The following ARK2C variants were observed in gnomAD, a reference collection of about 807,000 sequenced individuals.
The protein encoded by ARK2C is arkadia (RNF111) C-terminal like ring finger ubiquitin ligase 2C, also known as E3 ubiquitin-protein ligase ARK2C.
the ARK2C span, among the ~76,000 whole-genome samples, chr18:46,364,104 T>C: frequency 6.6e-6 from 1 of 151,788 alleles, no homozygotes; most frequent in East Asian, 1.9e-4. Context: ...GGGACCACCA[T>C]GTCCGGCTAA....
chr18:46,441,070 C>T, the ARK2C span, among the ~76,000 whole-genome samples: 1 of 152,312 alleles, frequency 6.6e-6, no homozygotes, highest in East Asian at 1.9e-4. Context: ...ACTGCAGCCT[C>T]GATCTCCTGG....
the ARK2C span, among the ~76,000 whole-genome samples, chr18:46,345,882 G>T: frequency 6.6e-6 from 1 of 152,160 alleles, no homozygotes; most frequent in African/African-American, 2.4e-5. Flanking sequence ...ATTCTTCAGG[G>T]TCACCCCAAG....
the ARK2C span, among the ~76,000 whole-genome samples, chr18:46,423,612 G>A: frequency 3.9e-5 from 6 of 152,320 alleles, no homozygotes; most frequent in African/African-American, 7.2e-5. Context: ...CTGGAAGGCC[G>A]TGACACTGAT....
chr18:46,376,886 G>A, the ARK2C span, among the ~76,000 whole-genome samples: 7 of 152,050 alleles, frequency 4.6e-5, no homozygotes, highest in Non-Finnish European at 1.5e-5. Flanking sequence ...GGCCAGGATG[G>A]TCTTGATTTC....
the ARK2C span, among the ~76,000 whole-genome samples, chr18:46,418,350 C>T: frequency 2.0e-5 from 3 of 152,084 alleles, no homozygotes; most frequent in Middle Eastern, 3.4e-3. Context: ...GGGCAAGACA[C>T]TGTCTCCAAA....
At chr18:46,447,600 T>G in the ARK2C span, 1 of 1,614,064 alleles carries the variant, frequency 6.2e-7, no homozygotes, top group Non-Finnish European at 8.5e-7. Context: ...TCCTGCTCAG[T>G]TCCAGGTGCG....
the ARK2C span, chr18:46,334,237 G>A: frequency 2.8e-6 from 4 of 1,408,542 alleles, no homozygotes; most frequent in South Asian, 4.2e-5. This position sits in a 1 kb window ranked among gnomAD's most constrained non-coding sequence, Gnocchi z 4.4. Flanking sequence ...AAGGGCCCGC[G>A]CGCAGCCGCC....
At chr18:46,454,138 A>AAAT in the ARK2C span, among the ~76,000 whole-genome samples, 1 of 148,642 alleles carries the variant, frequency 6.7e-6, no homozygotes, top group Non-Finnish European at 1.5e-5. Context: ...AAAAAAAAAA[A>AAAT]GTAAAAGGGA....
chr18:46,335,815 C>G, the ARK2C span: 1 of 884,318 alleles, frequency 1.1e-6, no homozygotes, highest in Non-Finnish European at 1.4e-6. Context: ...CTGTTTGAAC[C>G]GCAGTTTTTT....
chr18:46,352,531 A>G, the ARK2C span, among the ~76,000 whole-genome samples: 3 of 152,216 alleles, frequency 2.0e-5, no homozygotes, highest in African/African-American at 7.2e-5. Context: ...AGAACAGCCT[A>G]GAGTGGTGCT....
At chr18:46,344,856 C>T in the ARK2C span, among the ~76,000 whole-genome samples, 1 of 152,354 alleles carries the variant, frequency 6.6e-6, no homozygotes, top group South Asian at 2.1e-4. Flanking sequence ...GGTAGCTGGG[C>T]CAGAGCCTTG....
At chr18:46,373,516 C>T in the ARK2C span, among the ~76,000 whole-genome samples, 5 of 152,332 alleles carry the variant, frequency 3.3e-5, no homozygotes, top group South Asian at 1.0e-3. Context: ...TGCATGATGT[C>T]TCTGGCTGTT....
the ARK2C span, among the ~76,000 whole-genome samples, chr18:46,342,955 C>T: frequency 3.3e-5 from 5 of 152,270 alleles, no homozygotes; most frequent in Admixed American, 1.3e-4. Flanking sequence ...TCTCTATTTC[C>T]TATTTTACAT....
At chr18:46,426,245 C>G in the ARK2C span, among the ~76,000 whole-genome samples, 1 of 152,192 alleles carries the variant, frequency 6.6e-6, no homozygotes, top group Non-Finnish European at 1.5e-5. Flanking sequence ...AAACACCTTG[C>G]TTCAAATTTC....
chr18:46,401,035 C>A, the ARK2C span, among the ~76,000 whole-genome samples: 296 of 152,264 alleles, frequency 1.9e-3, no homozygotes, highest in African/African-American at 6.9e-3. Context: ...GGAGGCCAGA[C>A]CCCCTCCCCA....
the ARK2C span, among the ~76,000 whole-genome samples, chr18:46,377,924 G>A: frequency 6.6e-6 from 1 of 152,104 alleles, no homozygotes; most frequent in Non-Finnish European, 1.5e-5. Flanking sequence ...CCAAGAAGAA[G>A]TTCTGGGGCA....
At chr18:46,383,963 G>A in the ARK2C span, among the ~76,000 whole-genome samples, 4 of 152,246 alleles carry the variant, frequency 2.6e-5, no homozygotes, top group Non-Finnish European at 5.9e-5. Context: ...TCTTAGGGAA[G>A]TCTGTCAGAC....
chr18:46,348,907 T>TGC, the ARK2C span, among the ~76,000 whole-genome samples: 1,160 of 85,208 alleles, frequency 0.014, 21 homozygotes, highest in African/African-American at 0.047. Context: ...TTTCTGTGTG[T>TGC]GTGTGTGTGT....
the ARK2C span, among the ~76,000 whole-genome samples, chr18:46,384,302 C>T: frequency 7.2e-5 from 11 of 152,284 alleles, no homozygotes; most frequent in Admixed American, 2.6e-4. Flanking sequence ...TGGTGCTCCC[C>T]GTAGTGTCCA....
Sources: gnomAD v4.1 joint callset for allele counts (sites outside exome capture counted in the v4.1 genomes callset) on GRCh38, gnomAD v4.1.1 for gene constraint, Gnocchi (gnomAD v3.1) non-coding constraint, MANE v1.5 for transcripts, NCBI Gene and HGNC (gene_info 2026-07-23, HGNC 2026-07-21) for gene names.